NREP: variants seen among roughly 807,000 people sequenced by gnomAD.
NREP encodes the protein neuronal regeneration-related protein.
A neutral mutation model predicts 8.6 loss-of-function variants in NREP; 5 were observed. That is an observed-to-expected ratio of 0.58 (90% confidence interval 0.30 to 1.22). The LOEUF (loss-of-function observed/expected upper bound fraction) is 1.22, where lower values mean the gene tolerates loss of function less well. Among genes scored for constraint, NREP ranks in the 50% most tolerant of loss-of-function variants. The pLI is 0.07. For synonymous variants in NREP, 27 were observed against 28.0 expected (o/e 0.96, Z 0.11); for missense variants, 86 against 82.5 (o/e 1.04, Z -0.17).
At chr5:111,933,751 A>C (rs1199664650) in intron 2 of NREP, among the ~76,000 whole-genome samples, 2 of 152,120 alleles carry the variant, frequency 1.3e-5, no homozygotes. Context: ...GAACGAAAGA[A>C]TACCTGAAGA....
intron 2 of NREP, among the ~76,000 whole-genome samples, chr5:111,915,894 AC>A (rs1755042784): frequency 6.6e-6 from 1 of 152,080 alleles, no homozygotes; most frequent in Admixed American, 6.6e-5. Context: ...TTGCATCTAA[AC>A]GCTAATATTA....
At chr5:111,762,240 A>G (rs1750976352), upstream of NREP, among the ~76,000 whole-genome samples, 1 of 152,176 alleles carries the variant, frequency 6.6e-6, no homozygotes, top group Non-Finnish European at 1.5e-5. Flanking sequence ...GACTGCTTGG[A>G]TGATGATGGG....
intron 2 of NREP, among the ~76,000 whole-genome samples, chr5:111,932,764 A>T (rs1755576918): frequency 6.6e-6 from 1 of 152,086 alleles, no homozygotes. Context: ...AGGTCACGTA[A>T]TTCACCTATG....
At chr5:111,747,753 T>A (rs542869452) in intron 2 of NREP, among the ~76,000 whole-genome samples, 1 of 152,220 alleles carries the variant, frequency 6.6e-6, no homozygotes, top group South Asian at 2.1e-4. Flanking sequence ...TCCTTCTCCT[T>A]CTTGAATATA....
At chr5:111,973,731 T>C (rs953249761) in intron 2 of NREP, among the ~76,000 whole-genome samples, 3 of 152,240 alleles carry the variant, frequency 2.0e-5, no homozygotes, top group Non-Finnish European at 2.9e-5. Context: ...TTTAGTTTTT[T>C]ACATTTAAGG....
intron 2 of NREP, among the ~76,000 whole-genome samples, chr5:111,900,744 T>C (rs990278095): frequency 3.3e-5 from 5 of 151,848 alleles, no homozygotes; most frequent in Non-Finnish European, 7.4e-5. Context: ...CAATAATGAA[T>C]AATGAGATGG....
chr5:111,908,213 G>C (rs901739556), intron 2 of NREP, among the ~76,000 whole-genome samples: 7 of 151,956 alleles, frequency 4.6e-5, no homozygotes, highest in Middle Eastern at 3.4e-3. Context: ...TGCACTAAAT[G>C]CTAATAGAAT....
intron 2 of NREP, among the ~76,000 whole-genome samples, chr5:111,921,290 T>C (rs910556473): frequency 2.0e-5 from 3 of 152,082 alleles, no homozygotes; most frequent in Non-Finnish European, 4.4e-5. Context: ...GCGTTCCTCC[T>C]GAAGTCGATC....
intron 2 of NREP, among the ~76,000 whole-genome samples, chr5:111,973,912 G>A (rs1756890548): frequency 6.6e-6 from 1 of 152,036 alleles, no homozygotes; most frequent in South Asian, 2.1e-4. Context: ...CCCCTAATTT[G>A]TTGTAAAGCA....
intron 2 of NREP, among the ~76,000 whole-genome samples, chr5:111,803,765 A>G (rs984026761): frequency 2.6e-5 from 4 of 152,176 alleles, no homozygotes; most frequent in Non-Finnish European, 4.4e-5. Context: ...TATCCCTTAC[A>G]GAGAGTAGTT....
intron 2 of NREP, among the ~76,000 whole-genome samples, chr5:111,839,243 G>C (rs543456036): frequency 6.6e-6 from 1 of 152,106 alleles, no homozygotes; most frequent in East Asian, 1.9e-4. Context: ...AATTAAACAA[G>C]AACCTAAGGC....
chr5:111,890,714 C>T (rs1294056467), intron 2 of NREP, among the ~76,000 whole-genome samples: 1 of 152,178 alleles, frequency 6.6e-6, no homozygotes, highest in Non-Finnish European at 1.5e-5. Context: ...TTAAGCTGTA[C>T]CTAAGTCCCT....
intron 2 of NREP, among the ~76,000 whole-genome samples, chr5:111,919,979 C>A (rs898486955): frequency 7.3e-6 from 1 of 136,628 alleles, no homozygotes; most frequent in African/African-American, 2.6e-5. Flanking sequence ...GAATACCCCC[C>A]CCCCCCACAC....
intron 2 of NREP, among the ~76,000 whole-genome samples, chr5:111,843,222 C>A (rs948658854): frequency 2.6e-5 from 4 of 151,798 alleles, no homozygotes; most frequent in African/African-American, 7.3e-5. Flanking sequence ...CATAAGTTTT[C>A]TTCACTTTTT....
chr5:111,822,876 A>G (rs1185468440), intron 2 of NREP, among the ~76,000 whole-genome samples: 1 of 152,258 alleles, frequency 6.6e-6, no homozygotes, highest in Non-Finnish European at 1.5e-5. Context: ...GAACATCAAC[A>G]TATCACTGGA....
At chr5:111,769,320 T>A (rs561733613) in intron 2 of NREP, among the ~76,000 whole-genome samples, 1 of 152,332 alleles carries the variant, frequency 6.6e-6, no homozygotes, top group Non-Finnish European at 1.5e-5. Context: ...ACTGTCCTAA[T>A]GGAACTTAAT....
At chr5:111,757,414 C>T, upstream of NREP, 2 of 982,870 alleles carry the variant, frequency 2.0e-6, no homozygotes, top group Non-Finnish European at 2.4e-6. Flanking sequence ...GTGTCTCTCT[C>T]TTTCTCTAAG....
At chr5:111,904,607 G>A (rs1353894746) in intron 2 of NREP, among the ~76,000 whole-genome samples, 1 of 151,776 alleles carries the variant, frequency 6.6e-6, no homozygotes, top group African/African-American at 2.4e-5. Context: ...TCTTTTTATT[G>A]TTGAATCATA....
At chr5:111,814,477 C>T (rs747818482) in intron 2 of NREP, among the ~76,000 whole-genome samples, 3 of 152,014 alleles carry the variant, frequency 2.0e-5, no homozygotes, top group Non-Finnish European at 2.9e-5. Context: ...CCATTGCCTC[C>T]GTAACTTTCT....
Sources: gnomAD v4.1 joint callset for allele counts (sites outside exome capture counted in the v4.1 genomes callset) on GRCh38, gnomAD v4.1.1 for gene constraint, MANE v1.5 for transcripts, NCBI Gene and HGNC (gene_info 2026-07-23, HGNC 2026-07-21) for gene names.